ADGRB3: variants seen among roughly 807,000 people sequenced by gnomAD.
ADGRB3 encodes the protein adhesion G protein-coupled receptor B3, also known as brain-specific angiogenesis inhibitor 3.
A neutral mutation model predicts 193.4 loss-of-function variants in ADGRB3; 37 were observed. The observed-to-expected ratio is 0.19, with a 90% CI of 0.15 to 0.25. The LOEUF (loss-of-function observed/expected upper bound fraction) is 0.25. Ranked by LOEUF, ADGRB3 falls within the 10% of genes least tolerant of loss-of-function variation. The pLI, the probability that ADGRB3 is intolerant of heterozygous loss-of-function variation, is 1.00. For missense variants in ADGRB3, 1,637 were observed against 1,852.9 expected, an observed-to-expected ratio of 0.88 and a Z score of 2.14; for synonymous variants, 690 against 644.2, an observed-to-expected ratio of 1.07 and a Z score of -1.08.
intron 17 of ADGRB3, among the ~76,000 whole-genome samples, chr6:69,138,321 A>T (rs1413706373): frequency 2.6e-5 from 4 of 152,202 alleles, no homozygotes; most frequent in Non-Finnish European, 4.4e-5. Context: ...CAGGGTCTTC[A>T]GTGTTGCCAA....
intron 3 of ADGRB3, among the ~76,000 whole-genome samples, chr6:68,898,996 C>T (rs747030003): frequency 4.6e-5 from 7 of 151,914 alleles, no homozygotes; most frequent in Admixed American, 6.6e-5. Flanking sequence ...AAGGACATTG[C>T]GGAAAGTCTA....
intron 20 of ADGRB3, among the ~76,000 whole-genome samples, chr6:69,268,360 AACCTG>A (rs1369004271): frequency 1.3e-5 from 2 of 152,150 alleles, no homozygotes; most frequent in Admixed American, 1.3e-4. Context: ...CCCCTCAAAG[AACCTG>A]CTTCTTTTGG....
At chr6:69,250,046 A>G (rs1260296409) in intron 20 of ADGRB3, among the ~76,000 whole-genome samples, 1 of 152,188 alleles carries the variant, frequency 6.6e-6, no homozygotes, top group East Asian at 1.9e-4. Context: ...AAGAATTTTA[A>G]TTTGTTAATA....
chr6:68,694,616 A>G (rs758973468), intron 3 of ADGRB3, among the ~76,000 whole-genome samples: 4 of 151,978 alleles, frequency 2.6e-5, no homozygotes, highest in Non-Finnish European at 2.9e-5. Flanking sequence ...CCTCAGAGGC[A>G]TGCTGTGTTC....
Position 69,054,413 on chromosome 6 carries a change from C to T in ADGRB3, c.2333+5067C>T, listed in dbSNP as rs138949962. Among the ~76,000 whole-genome samples, 152 of 152,194 alleles carry T rather than the reference C, an allele frequency of 1.0e-3. 1 individual carries two copies. Among genetic ancestry groups the T allele is most frequent in the South Asian group, 3.7e-3 (18 of 4,820 alleles). Reference sequence around the variant, plus strand: ...ACATAATCACTTTTACACAAATGCACGCTGAAAGCAATCAACCTGAAGCAG... The same window carrying T: ...ACATAATCACTTTTACACAAATGCATGCTGAAAGCAATCAACCTGAAGCAG... On this transcript the variant is annotated intron_variant, in intron 15 of 31. Transcript: ENST00000370598.
rs548197101 is a variant in ADGRB3, at chr6:68,998,709, G to GA, written c.1929+4753dup. On this transcript the variant is annotated intron_variant, in intron 11 of 31. Coordinates refer to ENST00000370598, the MANE Select transcript of ADGRB3 (RefSeq NM_001704.3). ...AAACTGAAATAGATCAGTAAAAAGAGAAAAAACAAAGGAAATAATTTATGA... is the reference window on the plus strand; with the variant it reads ...AAACTGAAATAGATCAGTAAAAAGAGAAAAAAACAAAGGAAATAATTTATGA... Among the ~76,000 whole-genome samples, 22 of 152,196 alleles carry GA rather than the reference G, an allele frequency of 1.4e-4. No homozygotes were observed. The East Asian group carries it at 2.9e-3, about 20-fold the overall frequency.
chr6:69,275,996 A>C (rs925417992), intron 20 of ADGRB3, among the ~76,000 whole-genome samples: 2 of 152,210 alleles, frequency 1.3e-5, no homozygotes, highest in African/African-American at 2.4e-5. Flanking sequence ...CTGCATCTCC[A>C]TGCAACTAAA....
intron 3 of ADGRB3, among the ~76,000 whole-genome samples, chr6:68,656,740 A>C (rs1365316331): frequency 6.6e-6 from 1 of 151,518 alleles, no homozygotes; most frequent in East Asian, 1.9e-4. Flanking sequence ...GGAAGCAATG[A>C]GTTTCGGCTT....
intron 3 of ADGRB3, among the ~76,000 whole-genome samples, chr6:68,872,940 C>T (rs772438598): frequency 4.7e-4 from 72 of 151,940 alleles, no homozygotes; most frequent in Non-Finnish European, 8.1e-4. Flanking sequence ...GACCATTTTA[C>T]AAAATAACAA....
At chr6:68,804,108 C>G (rs1474420000) in intron 3 of ADGRB3, among the ~76,000 whole-genome samples, 1 of 152,154 alleles carries the variant, frequency 6.6e-6, no homozygotes, top group Non-Finnish European at 1.5e-5. Context: ...TTCTCAGTAG[C>G]TTCCCATTGC....
chr6:69,220,300 A>G (rs1419299734), intron 17 of ADGRB3, among the ~76,000 whole-genome samples: 1 of 152,148 alleles, frequency 6.6e-6, no homozygotes. Context: ...GTATTATCCA[A>G]TACTTCTTCT....
chr6:69,178,377 T>C (rs1204054318), intron 17 of ADGRB3, among the ~76,000 whole-genome samples: 1 of 152,018 alleles, frequency 6.6e-6, no homozygotes, highest in Non-Finnish European at 1.5e-5. Context: ...AAATGGTTCT[T>C]GGTTTTTTTG....
intron 10 of ADGRB3, among the ~76,000 whole-genome samples, chr6:68,986,258 C>T (rs899138176): frequency 6.6e-6 from 1 of 152,134 alleles, no homozygotes; most frequent in Admixed American, 6.6e-5. Context: ...GCTGTCCAAT[C>T]TCTCACTTCA....
intron 3 of ADGRB3, among the ~76,000 whole-genome samples, chr6:68,717,915 T>C (rs1286216211): frequency 1.3e-5 from 2 of 151,778 alleles, no homozygotes; most frequent in African/African-American, 4.8e-5. Flanking sequence ...GAATAACTGA[T>C]GGATAAAATC....
intron 20 of ADGRB3, among the ~76,000 whole-genome samples, chr6:69,323,475 G>C (rs576617240): frequency 2.0e-5 from 3 of 152,046 alleles, no homozygotes; most frequent in Non-Finnish European, 4.4e-5. Context: ...TGAGACTAGA[G>C]TATAGGTATG....
chr6:69,274,968 C>A (rs894555584), intron 20 of ADGRB3, among the ~76,000 whole-genome samples: 7 of 152,120 alleles, frequency 4.6e-5, no homozygotes, highest in African/African-American at 9.7e-5. Context: ...TTGGTGGATT[C>A]TATTATTAAA....
chr6:69,284,721 T>C (rs1004450125), intron 20 of ADGRB3, among the ~76,000 whole-genome samples: 1 of 152,174 alleles, frequency 6.6e-6, no homozygotes, highest in African/African-American at 2.4e-5. Flanking sequence ...AACCTGACAA[T>C]TGACTGAAGG....
chr6:68,812,825 G>GCCCC (rs1238539435), intron 3 of ADGRB3, among the ~76,000 whole-genome samples: 1 of 134,348 alleles, frequency 7.4e-6, no homozygotes, highest in African/African-American at 2.8e-5. Flanking sequence ...CCCTCCCCTA[G>GCCCC]CCCCCCAACC....
intron 17 of ADGRB3, among the ~76,000 whole-genome samples, chr6:69,223,321 C>A (rs1349416828): frequency 6.6e-6 from 1 of 152,084 alleles, no homozygotes; most frequent in Non-Finnish European, 1.5e-5. Flanking sequence ...ATCACATATT[C>A]CTGGCCCCAT....
Sources: allele counts gnomAD v4.1 joint callset (sites outside exome capture counted in the v4.1 genomes callset), GRCh38; gene constraint gnomAD v4.1.1; transcripts MANE v1.5; gene names NCBI Gene and HGNC (gene_info 2026-07-23, HGNC 2026-07-21).